The following PRSS55 variants were observed in gnomAD, a reference collection of about 807,000 sequenced individuals.
PRSS55 encodes the protein probable serine protease UNQ9391/PRO34284.
Under a neutral mutation model 23.6 loss-of-function variants are expected in PRSS55, and 41 were observed. The ratio of observed to expected loss-of-function variants is 1.74; its 90% CI spans 1.35 to 2.26. PRSS55 has a LOEUF of 2.26. Ranked by LOEUF, PRSS55 falls within the 30% of genes most tolerant of loss-of-function variation. PRSS55 has a pLI of 0.00. For missense variants in PRSS55, 669 were observed against 439.1 expected, an observed-to-expected ratio of 1.52 and a Z score of -4.68; for synonymous variants, 262 against 175.5, an observed-to-expected ratio of 1.49 and a Z score of -3.90.
At chr8:10,526,747 T>C (rs74701671) in intron 1 of PRSS55, among the ~76,000 whole-genome samples, 8,756 of 152,112 alleles carry the variant, frequency 0.058, 353 homozygotes, top group Non-Finnish European at 0.089. Flanking sequence ...TTCTGGAGAG[T>C]TGACTTTGGT....
downstream of PRSS55, chr8:10,538,878 T>C: frequency 7.4e-7 from 1 of 1,358,992 alleles, no homozygotes; most frequent in Non-Finnish European, 9.9e-7. Context: ...AGCTCAGGGC[T>C]CAAGGATGGA....
chr8:10,531,547 T>A lies in PRSS55; in HGVS notation c.598+2T>A. Reference sequence around the variant, plus strand: ...CAGGTTGGGGCCAGACCAATGCTGGTATGTGACTGCTCAGCTTCCCCTGGG... The same window carrying A: ...CAGGTTGGGGCCAGACCAATGCTGGAATGTGACTGCTCAGCTTCCCCTGGG... On this transcript the variant is annotated splice_donor_variant, in intron 3 of 4. Transcript: ENST00000328655. LOFTEE classifies it high-confidence loss of function. 6.2e-7 allele frequency: 1 copy of A among 1,613,056 alleles called. No individual in the cohort carries two copies. The highest frequency in any genetic ancestry group is 8.5e-7 in the Non-Finnish European group (1 of 1,179,876).
intron 1 of PRSS55, among the ~76,000 whole-genome samples, chr8:10,528,349 C>G (rs934863170): frequency 6.6e-6 from 1 of 152,210 alleles, no homozygotes; most frequent in Non-Finnish European, 1.5e-5. Context: ...AAAACACTCA[C>G]AGCTTCTGTT....
chr8:10,538,414 C>A, intron 4 of PRSS55, 62 bp from the exon 5 acceptor site: 1 of 1,317,134 alleles, frequency 7.6e-7, no homozygotes, highest in Non-Finnish European at 1.1e-6. Flanking sequence ...ATGAGCTGTG[C>A]CCAGCCTCAG....
chr8:10,528,318 C>G (rs568039054), intron 1 of PRSS55, among the ~76,000 whole-genome samples: 1 of 152,078 alleles, frequency 6.6e-6, no homozygotes, highest in Non-Finnish European at 1.5e-5. Flanking sequence ...AAAATGACCA[C>G]CACAGGGTCA....
rs112159065 is a variant in PRSS55 at position 10,533,158 on chromosome 8, G to A, written c.741+110G>A. The A allele has an allele frequency of 9.4e-5, 115 of 1,229,752 alleles. No individual in the cohort carries two copies. In the African/African-American group the frequency reaches 1.2e-3, roughly 13 times the overall value. The allele number at this position is 1,229,752 out of a possible 1,614,324, so 76.2% of individuals were successfully genotyped here. A position where few individuals can be genotyped will look rare whatever the true frequency, so the allele number is the denominator to read the frequency against. On this transcript the variant is annotated intron_variant, in intron 4 of 4. Transcript: ENST00000328655. Reference sequence around the variant, plus strand: ...ATAGACAATTCTGAGTCTGGAAAATGTATGGGAATTAGGGCCTGCAGCCAT... The same window carrying A: ...ATAGACAATTCTGAGTCTGGAAAATATATGGGAATTAGGGCCTGCAGCCAT...
intron 4 of PRSS55, among the ~76,000 whole-genome samples, chr8:10,546,043 G>T (rs981171492): frequency 6.6e-6 from 1 of 152,112 alleles, no homozygotes; most frequent in Non-Finnish European, 1.5e-5. Context: ...GGGAGAGGAA[G>T]ACAGCCCCCA....
chr8:10,532,834 C>T, intron 3 of PRSS55, 72 bp from the exon 4 acceptor site: 1 of 1,590,856 alleles, frequency 6.3e-7, no homozygotes, highest in Non-Finnish European at 8.6e-7. Context: ...GCCGAGGGCA[C>T]AGTCAGCTGC....
At position 10,529,542 on chromosome 8, in the gene PRSS55, C is replaced by T. The variant is rs759634596; in HGVS notation, c.190C>T (p.Arg64Trp). 9.2e-5 allele frequency: 149 copies of T among 1,614,068 alleles called. No homozygotes were observed. The highest frequency in any genetic ancestry group is 1.1e-4 in the Non-Finnish European group (133 of 1,180,028). The change falls in exon 2 of 5, where the codon CGG becomes TGG. Residue 64 changes from arginine to tryptophan, a missense_variant. Arg to Trp is a moderately radical substitution (Grantham distance 101). Coordinates refer to ENST00000328655, the MANE Select transcript of PRSS55 (RefSeq NM_198464.4). Reference sequence around the variant, plus strand: ...CAGATCTATTTTCGAGGGAAGAACTCGGTATTCCAGAATCACAGGGGGGAT... The same window carrying T: ...CAGATCTATTTTCGAGGGAAGAACTTGGTATTCCAGAATCACAGGGGGGAT... ...GDRSIFEGRT[R>W]YSRITGGMEA...
At chr8:10,535,182 C>T (rs553418465) in intron 4 of PRSS55, among the ~76,000 whole-genome samples, 14 of 152,266 alleles carry the variant, frequency 9.2e-5, no homozygotes, top group Admixed American at 3.3e-4. Context: ...TATCAAACTA[C>T]CAATGACATT....
exon 5 of PRSS55, chr8:10,554,135 G>A (rs1813011356): frequency 3.0e-6 from 2 of 670,682 alleles, no homozygotes; most frequent in Middle Eastern, 2.5e-4. Flanking sequence ...CTGTCCAAAT[G>A]ACTGAAAAAA....
chr8:10,538,659 G>C lies in PRSS55; in HGVS notation c.925G>C (p.Glu309Gln), dbSNP rs1046065114. Reference protein sequence around the residue: ...TQLEGRPFNAEKRRTSVKQKP... With the variant: ...TQLEGRPFNAQKRRTSVKQKP... ...GCTAGAGGGCAGGCCCTTCAATGCAGAGAAAAGGAGGACTTCTGTCAAACA... is the reference window on the plus strand; with the variant it reads ...GCTAGAGGGCAGGCCCTTCAATGCACAGAAAAGGAGGACTTCTGTCAAACA... The change falls in exon 5 of 5, where the codon GAG becomes CAG. Residue 309 changes from glutamate (E) to glutamine (Q), a missense_variant. Glu to Gln is a conservative substitution (Grantham distance 29). Transcript: ENST00000328655. 3 of 1,614,088 alleles carry C rather than the reference G, an allele frequency of 1.9e-6. No homozygotes were observed. Among genetic ancestry groups the C allele is most frequent in the South Asian group, 1.1e-5 (1 of 91,084 alleles).
At chr8:10,525,797 C>T (rs1812000598) in intron 1 of PRSS55, 58 bp downstream of exon 1, 1 of 1,511,748 alleles carries the variant, frequency 6.6e-7, no homozygotes, top group Non-Finnish European at 8.9e-7. Flanking sequence ...TGACTGGCTG[C>T]CAGGAGGGTG....
chr8:10,530,246 G>T (rs1454451950), intron 2 of PRSS55, among the ~76,000 whole-genome samples: 1 of 152,166 alleles, frequency 6.6e-6, no homozygotes, highest in African/African-American at 2.4e-5. Context: ...GAGGCAGGTG[G>T]ATCAGGAGTT....
At chr8:10,545,572 C>G (rs974874705) in intron 4 of PRSS55, among the ~76,000 whole-genome samples, 2 of 152,186 alleles carry the variant, frequency 1.3e-5, no homozygotes, top group Non-Finnish European at 2.9e-5. Flanking sequence ...AGAAGCATTT[C>G]CCTACGAGAC....
intron 3 of PRSS55, among the ~76,000 whole-genome samples, chr8:10,531,959 T>C (rs1265269575): frequency 6.6e-6 from 1 of 152,150 alleles, no homozygotes; most frequent in African/African-American, 2.4e-5. Flanking sequence ...TTCTTAGAAA[T>C]GAATCTGTTG....
chr8:10,549,263 G>A (rs148287068), intron 4 of PRSS55, among the ~76,000 whole-genome samples: 1 of 152,336 alleles, frequency 6.6e-6, no homozygotes, highest in Non-Finnish European at 1.5e-5. Context: ...GCCGCGGAGA[G>A]CCACTGAAGA....
chr8:10,538,736 ATCCT>A lies in PRSS55; in HGVS notation c.1003_1006del (p.Ser335GlyfsTer?), dbSNP rs771847871. On this transcript the variant is annotated frameshift_variant, in exon 5 of 5. Transcript: ENST00000328655. LOFTEE classifies it low-confidence loss of function (END_TRUNC). ...GAGTCCCAGAGCCAGGCAGCCCCAG[ATCCT>A]GGCTCCTGCTCTGTCCCCTGTCCCA... The A allele has an allele frequency of 1.9e-6, 3 of 1,612,628 alleles. No homozygotes were observed. Among genetic ancestry groups the A allele is most frequent in the Non-Finnish European group, 1.7e-6 (2 of 1,179,392 alleles).
intron 1 of PRSS55, among the ~76,000 whole-genome samples, chr8:10,526,058 C>T (rs1043808352): frequency 2.6e-5 from 4 of 152,154 alleles, no homozygotes; most frequent in African/African-American, 7.2e-5. Flanking sequence ...CTCCCATCAG[C>T]ACCAGGCTTC....
Sources: gnomAD v4.1 joint callset for allele counts (sites outside exome capture counted in the v4.1 genomes callset) on GRCh38, gnomAD v4.1.1 for gene constraint, MANE v1.5 for transcripts, NCBI Gene and HGNC (gene_info 2026-07-23, HGNC 2026-07-21) for gene names.